The following SERPINI1 variants were observed in gnomAD, a reference collection of about 807,000 sequenced individuals.
The protein encoded by SERPINI1 is serpin family I member 1.
SERPINI1 carries 19 observed loss-of-function variants against 41.1 expected under a neutral mutation model. The ratio of observed to expected loss-of-function variants is 0.46; its 90% CI spans 0.32 to 0.68. The LOEUF is 0.68. SERPINI1 is among the 30% of genes least tolerant of loss of function. SERPINI1 has a pLI of 0.03. For missense variants in SERPINI1, 460 were observed against 479.2 expected (o/e 0.96, Z 0.37); for synonymous variants, 138 against 156.6 (o/e 0.88, Z 0.89).
intron 1 of SERPINI1, among the ~76,000 whole-genome samples, chr3:167,782,865 G>T (rs1197393973): frequency 6.6e-6 from 1 of 152,204 alleles, no homozygotes; most frequent in Non-Finnish European, 1.5e-5. Flanking sequence ...ACACAAGCCA[G>T]TAATAGGAGA....
chr3:167,771,122 T>A (rs185595434), intron 1 of SERPINI1, among the ~76,000 whole-genome samples: 1 of 152,218 alleles, frequency 6.6e-6, no homozygotes, highest in Non-Finnish European at 1.5e-5. Context: ...ACAGTATTTA[T>A]CAAAATTATA....
chr3:167,769,587 G>A (rs6808124), intron 1 of SERPINI1, among the ~76,000 whole-genome samples: 68,132 of 151,882 alleles, frequency 0.45, 16,188 homozygotes, highest in African/African-American at 0.61. Flanking sequence ...TAAAATCCCA[G>A]CCCTAAAGAT....
chr3:167,801,514 T>G (rs555767468), intron 5 of SERPINI1, among the ~76,000 whole-genome samples: 1 of 152,316 alleles, frequency 6.6e-6, no homozygotes, highest in Admixed American at 6.5e-5. Context: ...ATTCATATCC[T>G]CATTCTACCA....
chr3:167,797,651 C>T (rs530403814), intron 5 of SERPINI1, among the ~76,000 whole-genome samples: 1 of 151,900 alleles, frequency 6.6e-6, no homozygotes, highest in East Asian at 1.9e-4. Flanking sequence ...ATTTAGCATG[C>T]ATAACTTTCT....
intron 1 of SERPINI1, among the ~76,000 whole-genome samples, chr3:167,776,180 T>C (rs1726964173): frequency 6.6e-6 from 1 of 152,216 alleles, no homozygotes; most frequent in African/African-American, 2.4e-5. Context: ...GCAACCTTGA[T>C]TGATGATGAC....
At chr3:167,784,560 G>C (rs1255986083) in intron 1 of SERPINI1, among the ~76,000 whole-genome samples, 2 of 152,166 alleles carry the variant, frequency 1.3e-5, no homozygotes, top group African/African-American at 4.8e-5. Context: ...TGCTAGGGAG[G>C]CCTCAGGAGA....
chr3:167,780,651 A>AC (rs200169728), intron 1 of SERPINI1, among the ~76,000 whole-genome samples: 1,608 of 152,300 alleles, frequency 0.011, 16 homozygotes, highest in Non-Finnish European at 0.016. Context: ...TTGTTATTTT[A>AC]CAAGAGAATC....
chr3:167,819,136 A>C (rs1312027797), intron 6 of SERPINI1, among the ~76,000 whole-genome samples: 1 of 152,080 alleles, frequency 6.6e-6, no homozygotes, highest in Non-Finnish European at 1.5e-5. Context: ...TTATTTTTTA[A>C]ATGTTTTCTT....
At chr3:167,822,942 T>G (rs1347845180) in intron 6 of SERPINI1, 44 bp from the exon 7 acceptor site, 1 of 1,079,796 alleles carries the variant, frequency 9.3e-7, no homozygotes, top group Admixed American at 1.7e-5. Flanking sequence ...AATATTTTCC[T>G]ATCTCTGAAT....
chr3:167,766,860 G>A (rs1473853796), intron 1 of SERPINI1, among the ~76,000 whole-genome samples: 1 of 152,208 alleles, frequency 6.6e-6, no homozygotes, highest in East Asian at 1.9e-4. Flanking sequence ...GAAGCCAGCA[G>A]AGAGATTGGT....
intron 5 of SERPINI1, among the ~76,000 whole-genome samples, chr3:167,800,780 T>C (rs1235727487): frequency 1.4e-5 from 2 of 142,328 alleles, no homozygotes; most frequent in Non-Finnish European, 2.9e-5. Flanking sequence ...AGTCGTCTGC[T>C]TTTTTGTTGT....
chr3:167,793,596 A>ATATATATATATATATATATTTTTTTT, intron 4 of SERPINI1, among the ~76,000 whole-genome samples: 18 of 140,602 alleles, frequency 1.3e-4, no homozygotes, highest in African/African-American at 4.9e-4. Context: ...ATATATATAT[A>ATATATATATATATATATATTTTTTTT]TTTTTAATTA....
chr3:167,813,177 G>C lies in SERPINI1; in HGVS notation c.979+5836G>C, dbSNP rs144560748. Among the ~76,000 whole-genome samples, 393 of 152,220 alleles carry C rather than the reference G, an allele frequency of 2.6e-3. 3 individuals are homozygous for C. The highest frequency in any genetic ancestry group is 9.1e-3 in the African/African-American group (377 of 41,544). On this transcript the variant is annotated intron_variant, in intron 6 of 8. Coordinates refer to ENST00000446050, the MANE Select transcript of SERPINI1 (RefSeq NM_001122752.2). ...TCTTCTTGCGCCTGTAAACTACAAGGCTCTATTTCTCTCATTGCCATAATT... is the reference window on the plus strand; with the variant it reads ...TCTTCTTGCGCCTGTAAACTACAAGCCTCTATTTCTCTCATTGCCATAATT...
chr3:167,778,788 G>A (rs13060396), intron 1 of SERPINI1, among the ~76,000 whole-genome samples: 19,534 of 152,160 alleles, frequency 0.13, 1,529 homozygotes, highest in African/African-American at 0.21. Flanking sequence ...CATAATTCCC[G>A]AACAAGAAAG....
intron 8 of SERPINI1, among the ~76,000 whole-genome samples, chr3:167,824,864 C>T (rs935659437): frequency 7.9e-5 from 12 of 151,882 alleles, no homozygotes; most frequent in African/African-American, 2.7e-4. Context: ...CATAGTGAGA[C>T]CCCATTTCTA....
At chr3:167,780,140 G>T (rs1039723421) in intron 1 of SERPINI1, among the ~76,000 whole-genome samples, 1 of 152,034 alleles carries the variant, frequency 6.6e-6, no homozygotes, top group African/African-American at 2.4e-5. Context: ...GTAAACAACG[G>T]TTTAAACCTT....
intron 1 of SERPINI1, among the ~76,000 whole-genome samples, chr3:167,781,634 C>CTTTTTT (rs757785091): frequency 8.6e-5 from 7 of 81,758 alleles, no homozygotes; most frequent in African/African-American, 2.1e-4. Flanking sequence ...TTCTTTTGGC[C>CTTTTTT]TTTTTTTTTT....
chr3:167,760,191 C>A (rs568138738), intron 1 of SERPINI1, among the ~76,000 whole-genome samples: 1 of 152,000 alleles, frequency 6.6e-6, no homozygotes, highest in African/African-American at 2.4e-5. Flanking sequence ...TTAGGAATAT[C>A]ATTCTAAGTA....
chr3:167,815,900 T>TA (rs151103035), intron 6 of SERPINI1, among the ~76,000 whole-genome samples: 28,238 of 152,184 alleles, frequency 0.19, 2,819 homozygotes, highest in Non-Finnish European at 0.23. Context: ...CCATTCTCCT[T>TA]ACTCTTTTAC....
Sources: gnomAD v4.1 joint callset for allele counts (sites outside exome capture counted in the v4.1 genomes callset) on GRCh38, gnomAD v4.1.1 for gene constraint, MANE v1.5 for transcripts, NCBI Gene and HGNC (gene_info 2026-07-23, HGNC 2026-07-21) for gene names.